SGCZ: variants seen among roughly 807,000 people sequenced by gnomAD.
SGCZ encodes sarcoglycan zeta, also known as zeta-sarcoglycan.
In SGCZ, 40 loss-of-function variants were observed where a neutral mutation model predicts 41.3. The observed-to-expected ratio is 0.97, with a 90% confidence interval of 0.75 to 1.26. The LOEUF is 1.26. Ranked by LOEUF, SGCZ falls within the 50% of genes most tolerant of loss-of-function variation. The pLI is 0.00. For missense variants in SGCZ, 552 were observed against 369.8 expected (o/e 1.49, Z -4.04); for synonymous variants, 206 against 137.5 (o/e 1.50, Z -3.49).
chr8:14,575,913 C>CAAAAAAAAA (rs66656586), intron 1 of SGCZ, among the ~76,000 whole-genome samples: 545 of 99,994 alleles, frequency 5.5e-3, no homozygotes, highest in African/African-American at 7.7e-3. Context: ...CTCAAAATAA[C>CAAAAAAAAA]AAAAAAAAAA....
At chr8:14,425,528 G>A (rs967333849) in intron 2 of SGCZ, among the ~76,000 whole-genome samples, 4 of 151,982 alleles carry the variant, frequency 2.6e-5, no homozygotes, top group Non-Finnish European at 5.9e-5. Context: ...GGCTGAGGCA[G>A]GAGAACTGCT....
At chr8:14,240,229 G>A (rs1798821153) in intron 3 of SGCZ, among the ~76,000 whole-genome samples, 1 of 151,098 alleles carries the variant, frequency 6.6e-6, no homozygotes, top group Non-Finnish European at 1.5e-5. Flanking sequence ...TCGGGAGGCT[G>A]AGGCAGGAGA....
intron 3 of SGCZ, among the ~76,000 whole-genome samples, chr8:14,316,812 G>C (rs1801732839): frequency 7.0e-6 from 1 of 142,392 alleles, no homozygotes; most frequent in African/African-American, 2.6e-5. Flanking sequence ...ATTTATTATA[G>C]ACACACACAC....
intron 2 of SGCZ, among the ~76,000 whole-genome samples, chr8:14,478,499 T>C (rs139065853): frequency 6.6e-6 from 1 of 152,064 alleles, no homozygotes; most frequent in East Asian, 1.9e-4. Context: ...GGCAGCAGTT[T>C]GAAAAAATCA....
At chr8:14,447,011 T>G (rs1168599703) in intron 2 of SGCZ, among the ~76,000 whole-genome samples, 1 of 152,120 alleles carries the variant, frequency 6.6e-6, no homozygotes, top group Admixed American at 6.6e-5. Flanking sequence ...AACATGAAAA[T>G]AGCAAAGATG....
chr8:14,753,180 CT>C (rs1391599788), intron 1 of SGCZ, among the ~76,000 whole-genome samples: 9 of 152,132 alleles, frequency 5.9e-5, no homozygotes, highest in Non-Finnish European at 7.3e-5. Flanking sequence ...TGGCCTGTTT[CT>C]TCCCCACCAT....
At chr8:14,202,417 A>C (rs1478916136) in intron 4 of SGCZ, among the ~76,000 whole-genome samples, 1 of 152,112 alleles carries the variant, frequency 6.6e-6, no homozygotes, top group Admixed American at 6.6e-5. Context: ...TAAGACACTA[A>C]GTTTGTGGTA....
intron 1 of SGCZ, among the ~76,000 whole-genome samples, chr8:15,235,904 C>A (rs1271208456): frequency 6.6e-6 from 1 of 152,148 alleles, no homozygotes; most frequent in Non-Finnish European, 1.5e-5. Flanking sequence ...TAAAACCTAC[C>A]CCTTCTCCCA....
At chr8:14,870,915 G>C (rs1193855380) in intron 1 of SGCZ, among the ~76,000 whole-genome samples, 3 of 152,104 alleles carry the variant, frequency 2.0e-5, no homozygotes, top group Non-Finnish European at 4.4e-5. Flanking sequence ...TCATTAAAAA[G>C]TCAGGAAACA....
At chr8:14,360,194 T>C (rs1378634622) in intron 2 of SGCZ, among the ~76,000 whole-genome samples, 1 of 152,006 alleles carries the variant, frequency 6.6e-6, no homozygotes, top group Non-Finnish European at 1.5e-5. Flanking sequence ...GCCCTTAAAA[T>C]CTGGAAAAAG....
At chr8:14,711,088 C>T (rs944051802) in intron 1 of SGCZ, among the ~76,000 whole-genome samples, 3 of 152,072 alleles carry the variant, frequency 2.0e-5, no homozygotes. Flanking sequence ...TATGCTTATT[C>T]ATGAAGTCCA....
At chr8:14,550,466 G>A (rs557420242) in intron 2 of SGCZ, among the ~76,000 whole-genome samples, 1 of 151,900 alleles carries the variant, frequency 6.6e-6, no homozygotes, top group East Asian at 1.9e-4. Context: ...TATTGGTAAA[G>A]TTTGCTTTTT....
At position 14,406,837 on chromosome 8, in the gene SGCZ, A is replaced by G. The variant is rs151019104; in HGVS notation, c.235-82633T>C. On this transcript the variant is annotated intron_variant, in intron 2 of 7. Coordinates refer to ENST00000382080, the MANE Select transcript of SGCZ (RefSeq NM_139167.4). ...AAATATGAGTGCAGCACTGATTCTG[A>G]GATGCAGTTCTGTGAAAACTGCGTA... is the stretch of plus-strand genomic sequence containing the variant. 3.1e-3 allele frequency among the ~76,000 whole-genome samples: 476 copies of G among 152,238 alleles called. 2 individuals carry two copies. The highest frequency in any genetic ancestry group is 0.017 in the South Asian group (80 of 4,822).
In SGCZ at chr8:14,253,569, T is replaced by G. The variant is rs1363350976; in HGVS notation, c.337-15890A>C. Among the ~76,000 whole-genome samples, 15 of 152,206 alleles carry G rather than the reference T, an allele frequency of 9.9e-5. No homozygotes were observed. In the East Asian group the frequency reaches 2.9e-3, roughly 29 times the overall value. On this transcript the variant is annotated intron_variant, in intron 3 of 7. Transcript: ENST00000382080. ...AAATCAGAAATAATAATATTATATC[T>G]GTATCCATATATCTGTCTATGTAAA... is the stretch of plus-strand genomic sequence containing the variant.
intron 2 of SGCZ, among the ~76,000 whole-genome samples, chr8:14,520,779 C>T (rs1206851147): frequency 6.6e-6 from 1 of 152,034 alleles, no homozygotes; most frequent in Non-Finnish European, 1.5e-5. Context: ...TGCTAATTGT[C>T]ACCTTCTTTG....
At chr8:14,309,732 G>C in intron 3 of SGCZ, 1 of 1,603,032 alleles carries the variant, frequency 6.2e-7, no homozygotes, top group East Asian at 2.2e-5. Flanking sequence ...AGATTTGGGA[G>C]CTGAACCAAA....
At chr8:14,530,990 T>G (rs975062009) in intron 2 of SGCZ, among the ~76,000 whole-genome samples, 1 of 151,990 alleles carries the variant, frequency 6.6e-6, no homozygotes, top group South Asian at 2.1e-4. Flanking sequence ...GAGGGGTTCC[T>G]GGTGAAACTT....
chr8:14,549,567 C>T (rs1803737300), intron 2 of SGCZ, among the ~76,000 whole-genome samples: 1 of 152,006 alleles, frequency 6.6e-6, no homozygotes, highest in East Asian at 1.9e-4. Flanking sequence ...ATGTGCTCAA[C>T]CAAGATATCA....
chr8:14,783,780 GT>G (rs1253931554), intron 1 of SGCZ, among the ~76,000 whole-genome samples: 3 of 152,016 alleles, frequency 2.0e-5, no homozygotes, highest in South Asian at 2.1e-4. Flanking sequence ...CAATCTGAAA[GT>G]TTTTTTAATT....
Sources: gnomAD v4.1 joint callset for allele counts (sites outside exome capture counted in the v4.1 genomes callset) on GRCh38, gnomAD v4.1.1 for gene constraint, MANE v1.5 for transcripts, NCBI Gene and HGNC (gene_info 2026-07-23, HGNC 2026-07-21) for gene names.